THEMIS: variants seen among roughly 807,000 people sequenced by gnomAD.
The protein encoded by THEMIS is thymocyte selection associated.
A neutral mutation model predicts 52.6 loss-of-function variants in THEMIS; 37 were observed. The ratio of observed to expected loss-of-function variants is 0.70; its 90% CI spans 0.54 to 0.93. The LOEUF is 0.93. Ranked by LOEUF, THEMIS falls within the 40% of genes least tolerant of loss-of-function variation. The pLI is 0.00. For synonymous variants in THEMIS, 292 were observed against 272.7 expected (o/e 1.07, Z -0.70); for missense variants, 808 against 763.1 (o/e 1.06, Z -0.69).
At chr6:127,803,149 G>A (rs1444888538) in intron 4 of THEMIS, among the ~76,000 whole-genome samples, 1 of 152,018 alleles carries the variant, frequency 6.6e-6, no homozygotes. Flanking sequence ...TTCCTAACTG[G>A]TCTCCCTGCC....
Position 127,803,862 on chromosome 6 carries a change from A to G in THEMIS, c.1758+9021T>C, listed in dbSNP as rs560848285. On this transcript the variant is annotated intron_variant, in intron 4 of 5. Transcript: ENST00000368248. ...GACCTTCAATCTCTTCCAGAGGTAT[A>G]GTTGAAAACTGTAACTGCTACAGAA... 2.3e-4 allele frequency among the ~76,000 whole-genome samples: 35 copies of G among 152,312 alleles called. 1 individual carries two copies. The South Asian group carries it at 7.2e-3, about 32-fold the overall frequency.
intron 4 of THEMIS, among the ~76,000 whole-genome samples, chr6:127,758,830 C>T (rs1775922911): frequency 6.6e-6 from 1 of 152,082 alleles, no homozygotes; most frequent in South Asian, 2.1e-4. Flanking sequence ...CTTTGTTGGG[C>T]AAGTAACACA....
At chr6:127,747,412 T>C (rs1361063342) in intron 4 of THEMIS, among the ~76,000 whole-genome samples, 1 of 146,894 alleles carries the variant, frequency 6.8e-6, no homozygotes, top group Non-Finnish European at 1.5e-5. Context: ...ATATTATAGA[T>C]GTAGATATGA....
intron 2 of THEMIS, 21 bp downstream of exon 2, chr6:127,855,009 A>G (rs1779569468): frequency 6.4e-7 from 1 of 1,574,300 alleles, no homozygotes; most frequent in Admixed American, 2.0e-5. Context: ...ACAAATGATA[A>G]GTGGTTGCAA....
chr6:127,726,152 A>C (rs921921075), intron 4 of THEMIS, among the ~76,000 whole-genome samples: 4 of 152,170 alleles, frequency 2.6e-5, no homozygotes, highest in African/African-American at 9.7e-5. Flanking sequence ...ATAGTGGTTA[A>C]CAAGAGGGAC....
At chr6:127,874,164 T>C (rs886190209) in intron 1 of THEMIS, among the ~76,000 whole-genome samples, 6 of 152,184 alleles carry the variant, frequency 3.9e-5, no homozygotes, top group Non-Finnish European at 7.3e-5. Flanking sequence ...AGAGGATGAG[T>C]ACTCAAAAGG....
intron 4 of THEMIS, among the ~76,000 whole-genome samples, chr6:127,763,150 A>G (rs1454222442): frequency 6.6e-6 from 1 of 151,984 alleles, no homozygotes; most frequent in Non-Finnish European, 1.5e-5. Flanking sequence ...AATGTGTCTG[A>G]TTTCCATGAA....
At chr6:127,702,208 C>T in the THEMIS span, among the ~76,000 whole-genome samples, 2 of 152,120 alleles carry the variant, frequency 1.3e-5, no homozygotes. Flanking sequence ...GTCACCCCAT[C>T]TTCCAGCTGT....
intron 4 of THEMIS, among the ~76,000 whole-genome samples, chr6:127,747,997 A>C (rs1342251041): frequency 6.6e-6 from 1 of 152,158 alleles, no homozygotes; most frequent in Non-Finnish European, 1.5e-5. Flanking sequence ...GAAAATGAAA[A>C]TGGTCTCAAA....
At chr6:127,876,656 G>A (rs1269175836) in intron 1 of THEMIS, among the ~76,000 whole-genome samples, 1 of 152,154 alleles carries the variant, frequency 6.6e-6, no homozygotes, top group Non-Finnish European at 1.5e-5. Context: ...TATTAAGCAG[G>A]TAAAGGAAAG....
chr6:127,792,566 T>A (rs961500970), intron 4 of THEMIS, among the ~76,000 whole-genome samples: 1 of 152,242 alleles, frequency 6.6e-6, no homozygotes, highest in Non-Finnish European at 1.5e-5. Context: ...CTGAGAATCA[T>A]CATTTGGGAT....
intron 3 of THEMIS, among the ~76,000 whole-genome samples, chr6:127,828,739 G>A (rs1410984349): frequency 6.6e-6 from 1 of 152,154 alleles, no homozygotes; most frequent in Non-Finnish European, 1.5e-5. Context: ...CGATCACGAG[G>A]TCAAGAGATC....
intron 4 of THEMIS, among the ~76,000 whole-genome samples, chr6:127,756,670 G>C (rs1420902469): frequency 1.3e-5 from 2 of 152,082 alleles, no homozygotes; most frequent in Non-Finnish European, 2.9e-5. Context: ...TTAATATGCA[G>C]GTCAAATTAA....
intron 4 of THEMIS, among the ~76,000 whole-genome samples, chr6:127,739,430 G>A (rs1269957646): frequency 2.0e-5 from 3 of 152,088 alleles, no homozygotes; most frequent in Admixed American, 6.5e-5. Context: ...GGCGGATAAC[G>A]AGGTCAGGAG....
At chr6:127,884,334 C>G (rs1780579351) in intron 1 of THEMIS, among the ~76,000 whole-genome samples, 1 of 152,170 alleles carries the variant, frequency 6.6e-6, no homozygotes, top group Admixed American at 6.5e-5. Context: ...TCAGCCCTGA[C>G]AACTCTACCA....
At chr6:127,896,940 G>A (rs565773365) in intron 1 of THEMIS, among the ~76,000 whole-genome samples, 1 of 151,396 alleles carries the variant, frequency 6.6e-6, no homozygotes, top group African/African-American at 2.4e-5. Context: ...CATTATTTAA[G>A]ACAGGAAAAA....
upstream of THEMIS, among the ~76,000 whole-genome samples, chr6:127,903,370 G>A (rs1280255972): frequency 1.3e-5 from 2 of 151,816 alleles, no homozygotes; most frequent in South Asian, 2.1e-4. Flanking sequence ...CATTAGAACA[G>A]CATGTTATAG....
chr6:127,774,863 G>A (rs545740444), intron 4 of THEMIS, among the ~76,000 whole-genome samples: 2 of 152,278 alleles, frequency 1.3e-5, no homozygotes, highest in East Asian at 1.9e-4. Context: ...AGGCTAGTAG[G>A]GTGAGGGTGG....
the THEMIS span, among the ~76,000 whole-genome samples, chr6:127,700,392 G>A: frequency 3.3e-5 from 5 of 151,694 alleles, no homozygotes; most frequent in Admixed American, 6.6e-5. Context: ...AAAATTAAAC[G>A]TCAGGGTTAT....
Sources: gnomAD v4.1 joint callset for allele counts (sites outside exome capture counted in the v4.1 genomes callset) on GRCh38, gnomAD v4.1.1 for gene constraint, MANE v1.5 for transcripts, NCBI Gene and HGNC (gene_info 2026-07-23, HGNC 2026-07-21) for gene names.